Variants in SRGAP3 observed in about 807,000 individuals in gnomAD.
SRGAP3 encodes the protein SLIT-ROBO Rho GTPase activating protein 3.
Under a neutral mutation model 121.1 loss-of-function variants are expected in SRGAP3, and 39 were observed. That is an observed-to-expected ratio of 0.32 (90% CI 0.25 to 0.42). The LOEUF (loss-of-function observed/expected upper bound fraction) is 0.42. Among genes scored for constraint, SRGAP3 ranks in the 10% least tolerant of loss-of-function variants. The pLI, the probability that SRGAP3 is intolerant of heterozygous loss-of-function variation, is 1.00. For synonymous variants in SRGAP3, 601 were observed against 570.0 expected (o/e 1.05, Z -0.77); for missense variants, 1,213 against 1,470.6 (o/e 0.82, Z 2.86).
intron 4 of SRGAP3, among the ~76,000 whole-genome samples, chr3:9,064,791 TCAA>T (rs1286036198): frequency 6.6e-6 from 1 of 151,744 alleles, no homozygotes; most frequent in Non-Finnish European, 1.5e-5. Context: ...ACCATCATCA[TCAA>T]CAACAACATC....
intron 1 of SRGAP3, among the ~76,000 whole-genome samples, chr3:9,246,769 C>A (rs1211536054): frequency 1.3e-5 from 2 of 152,186 alleles, no homozygotes; most frequent in Non-Finnish European, 2.9e-5. Flanking sequence ...ATATCCTGAC[C>A]TGACCTTGTG....
At chr3:9,250,729 G>A (rs553244121), upstream of SRGAP3, among the ~76,000 whole-genome samples, 97 of 152,274 alleles carry the variant, frequency 6.4e-4, no homozygotes, top group African/African-American at 2.3e-3. Flanking sequence ...CTCTTTCACA[G>A]ACAAAGGAGC....
In SRGAP3 at chr3:9,168,911, T is replaced by G. The variant is rs183299549; in HGVS notation, c.68-43994A>C. ...GCATGAACCCTGGAGCCAGACCCTG[T>G]GGTGCCTCTCCAGGAGTTAGAGAAA... On this transcript the variant is annotated intron_variant, in intron 1 of 21. Coordinates refer to ENST00000383836, the MANE Select transcript of SRGAP3 (RefSeq NM_014850.4). 2.8e-4 allele frequency among the ~76,000 whole-genome samples: 43 copies of G among 152,370 alleles called. 1 individual carries two copies. The highest frequency in any genetic ancestry group is 2.4e-3 in the Admixed American group (37 of 15,310).
intron 1 of SRGAP3, among the ~76,000 whole-genome samples, chr3:9,184,065 C>T (rs971560246): frequency 6.6e-6 from 1 of 152,212 alleles, no homozygotes; most frequent in African/African-American, 2.4e-5. Context: ...TCCCTGCAGA[C>T]ATTTCCATCT....
At chr3:9,196,283 C>T (rs367989021) in intron 1 of SRGAP3, among the ~76,000 whole-genome samples, 1 of 152,126 alleles carries the variant, frequency 6.6e-6, no homozygotes, top group Non-Finnish European at 1.5e-5. Context: ...GAGGAGGGGG[C>T]GTTTCCATGG....
chr3:9,123,461 C>T (rs1949098743), intron 2 of SRGAP3, among the ~76,000 whole-genome samples: 1 of 151,818 alleles, frequency 6.6e-6, no homozygotes, highest in Admixed American at 6.6e-5. Context: ...AATCCCAGCA[C>T]TTTGGGAGGC....
chr3:9,251,735 G>A (rs539149235), upstream of SRGAP3, among the ~76,000 whole-genome samples: 34 of 152,286 alleles, frequency 2.2e-4, no homozygotes, highest in African/African-American at 7.7e-4. Context: ...GTCACAAAAA[G>A]CCATACAAAA....
chr3:8,992,216 G>T (rs547077373), intron 20 of SRGAP3, among the ~76,000 whole-genome samples: 1 of 152,292 alleles, frequency 6.6e-6, no homozygotes, highest in African/African-American at 2.4e-5. Flanking sequence ...AAAAAACATA[G>T]AATATGACAT....
At chr3:9,294,465 C>T (rs1159631494) in intron 3 of SRGAP3, among the ~76,000 whole-genome samples, 1 of 152,082 alleles carries the variant, frequency 6.6e-6, no homozygotes, top group Non-Finnish European at 1.5e-5. Context: ...ATAAAACAAA[C>T]TCCCATGACA....
chr3:9,020,892 T>C (rs1023630157), intron 14 of SRGAP3, among the ~76,000 whole-genome samples: 1 of 152,228 alleles, frequency 6.6e-6, no homozygotes, highest in Non-Finnish European at 1.5e-5. Context: ...GTGGCATTGT[T>C]ACTGAATTGC....
intron 18 of SRGAP3, among the ~76,000 whole-genome samples, chr3:9,003,986 T>TA (rs1190696174): frequency 3.3e-5 from 5 of 152,194 alleles, no homozygotes; most frequent in South Asian, 2.1e-4. Flanking sequence ...TCTTATATAT[T>TA]AAAAAAATAA....
intron 10 of SRGAP3, among the ~76,000 whole-genome samples, chr3:9,038,512 C>T (rs1238727586): frequency 6.6e-6 from 1 of 152,242 alleles, no homozygotes; most frequent in Non-Finnish European, 1.5e-5. Flanking sequence ...AGTTCAAAAA[C>T]TCCTGCAATG....
At chr3:9,245,265 C>G (rs1431898966) in intron 1 of SRGAP3, among the ~76,000 whole-genome samples, 1 of 152,204 alleles carries the variant, frequency 6.6e-6, no homozygotes, top group African/African-American at 2.4e-5. Context: ...AGAACATGTA[C>G]TCTGAAGTCC....
At chr3:9,296,879 GTTTTGT>G (rs1192701050) in intron 3 of SRGAP3, among the ~76,000 whole-genome samples, 3 of 151,928 alleles carry the variant, frequency 2.0e-5, no homozygotes, top group African/African-American at 7.3e-5. Context: ...ACCACCTTTA[GTTTTGT>G]TTTTGTTTTT....
chr3:9,049,697 C>T (rs1325930135), intron 9 of SRGAP3, among the ~76,000 whole-genome samples: 2 of 152,072 alleles, frequency 1.3e-5, no homozygotes, highest in African/African-American at 4.8e-5. Flanking sequence ...TCATTTGACA[C>T]TGGAGGAGGA....
At chr3:9,254,953 A>AAGAGGAAAGAAAGAAAGAG (rs1954098232) in intron 3 of SRGAP3, among the ~76,000 whole-genome samples, 3 of 151,496 alleles carry the variant, frequency 2.0e-5, no homozygotes, top group Admixed American at 6.6e-5. Flanking sequence ...GAAAGAAAGA[A>AAGAGGAAAGAAAGAAAGAG]AGAGAAAAGA....
intron 2 of SRGAP3, among the ~76,000 whole-genome samples, chr3:9,106,443 G>A (rs1034897627): frequency 6.6e-6 from 1 of 152,176 alleles, no homozygotes; most frequent in African/African-American, 2.4e-5. Context: ...AGCTGGCCAA[G>A]GTTCTGTTCT....
At chr3:9,225,359 A>C (rs1952950619) in intron 1 of SRGAP3, among the ~76,000 whole-genome samples, 1 of 152,184 alleles carries the variant, frequency 6.6e-6, no homozygotes, top group Non-Finnish European at 1.5e-5. Flanking sequence ...GCAAATGTCT[A>C]GCAGGCTTTG....
rs182399118 is a variant in SRGAP3, at chr3:9,196,907, G to A, written c.67+51978C>T. Among the ~76,000 whole-genome samples the A allele has an allele frequency of 1.4e-3, 207 of 152,234 alleles. 1 individual carries two copies. Among genetic ancestry groups the A allele is most frequent in the Admixed American group, 3.2e-3 (49 of 15,292 alleles). ...TTAAAACCCAGGTCTTCTAATTCCC[G>A]TTTCTACATTTTCCACTCTGGCATG... On this transcript the variant is annotated intron_variant, in intron 1 of 21. Coordinates refer to ENST00000383836, the MANE Select transcript of SRGAP3 (RefSeq NM_014850.4).
Sources: allele counts gnomAD v4.1 joint callset (sites outside exome capture counted in the v4.1 genomes callset), GRCh38; gene constraint gnomAD v4.1.1; transcripts MANE v1.5; gene names NCBI Gene and HGNC (gene_info 2026-07-23, HGNC 2026-07-21).